The following DNAJC12 variants were observed in gnomAD, a reference collection of about 807,000 sequenced individuals.
DNAJC12 encodes DnaJ heat shock protein family (Hsp40) member C12, also known as dnaJ homolog subfamily C member 12.
Under a neutral mutation model 28.5 loss-of-function variants are expected in DNAJC12, and 25 were observed. The ratio of observed to expected loss-of-function variants is 0.88; its 90% confidence interval spans 0.64 to 1.22. DNAJC12 has a LOEUF of 1.22. Among genes scored for constraint, DNAJC12 ranks in the 50% most tolerant of loss-of-function variants. The pLI is 0.00. For missense variants in DNAJC12, 222 were observed against 231.7 expected, an observed-to-expected ratio of 0.96 and a Z score of 0.27; for synonymous variants, 77 against 80.6, an observed-to-expected ratio of 0.95 and a Z score of 0.24.
At chr10:67,819,722 G>A (rs1359925446) in intron 2 of DNAJC12, among the ~76,000 whole-genome samples, 54 of 17,088 alleles carry the variant, frequency 3.2e-3, no homozygotes, top group African/African-American at 0.012. Context: ...AAGGAAGCAA[G>A]GAAGGAAGGA....
chr10:67,802,417 C>T (rs1249526148), intron 4 of DNAJC12, among the ~76,000 whole-genome samples: 3 of 152,172 alleles, frequency 2.0e-5, no homozygotes, highest in African/African-American at 7.2e-5. Context: ...CTAGTTTTAC[C>T]TATTGCCATC....
chr10:67,823,311 T>C lies in DNAJC12; in HGVS notation c.157+3A>G. On this transcript the variant is annotated splice_donor_region_variant and intron_variant, in intron 2 of 4. Coordinates refer to ENST00000225171, the MANE Select transcript of DNAJC12 (RefSeq NM_021800.3). Reference sequence around the variant, plus strand: ...TGAGAAGTAGCCTTTATTAAGTTCTTACCAGCTTTGGGGTTTTCAGGATGC... The same window carrying C: ...TGAGAAGTAGCCTTTATTAAGTTCTCACCAGCTTTGGGGTTTTCAGGATGC... 6.2e-7 allele frequency: 1 copy of C among 1,613,788 alleles called. No homozygotes were observed. Among genetic ancestry groups the C allele is most frequent in the Non-Finnish European group, 8.5e-7 (1 of 1,179,670 alleles).
chr10:67,821,761 C>G (rs1002664146), intron 2 of DNAJC12, among the ~76,000 whole-genome samples: 1 of 152,106 alleles, frequency 6.6e-6, no homozygotes, highest in Non-Finnish European at 1.5e-5. Context: ...GGGGGCTTAC[C>G]TACAGCAATG....
At chr10:67,836,209 A>T (rs139139604) in intron 1 of DNAJC12, among the ~76,000 whole-genome samples, 2,878 of 151,600 alleles carry the variant, frequency 0.019, 100 homozygotes, top group African/African-American at 0.066. Flanking sequence ...GGGGTGGGGG[A>T]GAAGGGGAGG....
At chr10:67,816,923 C>A (rs1019441146) in intron 2 of DNAJC12, among the ~76,000 whole-genome samples, 2 of 152,098 alleles carry the variant, frequency 1.3e-5, no homozygotes, top group Non-Finnish European at 2.9e-5. Flanking sequence ...CCACACAGAG[C>A]GCTGGCATGA....
chr10:67,831,324 T>C (rs1251925820), intron 1 of DNAJC12, among the ~76,000 whole-genome samples: 1 of 152,230 alleles, frequency 6.6e-6, no homozygotes, highest in East Asian at 1.9e-4. Context: ...AGGTTAACAT[T>C]TTTATTTGTG....
chr10:67,807,584 A>T (rs1426118394), intron 3 of DNAJC12, among the ~76,000 whole-genome samples: 1 of 152,164 alleles, frequency 6.6e-6, no homozygotes, highest in East Asian at 1.9e-4. Flanking sequence ...GCTGCCAGTG[A>T]CTTCCTCTGC....
chr10:67,815,621 C>T (rs1467588540), intron 2 of DNAJC12, among the ~76,000 whole-genome samples: 1 of 151,590 alleles, frequency 6.6e-6, no homozygotes, highest in Non-Finnish European at 1.5e-5. Context: ...CCAGCGAGAG[C>T]AAATCTTCCT....
intron 1 of DNAJC12, 68 bp from the exon 2 acceptor site, chr10:67,823,460 A>C: frequency 1.1e-3 from 1,527 of 1,348,582 alleles, no homozygotes; most frequent in Non-Finnish European, 1.5e-3. Flanking sequence ...CTATAATCTC[A>C]ACACTTTGGG....
chr10:67,797,313 T>C (rs780102646), intron 4 of DNAJC12, 103 bp from the exon 5 acceptor site: 2 of 858,104 alleles, frequency 2.3e-6, no homozygotes, highest in Non-Finnish European at 3.7e-6. Flanking sequence ...GCAGGTACAA[T>C]GTAAGGGTAA....
At chr10:67,797,831 G>A (rs981166267) in intron 4 of DNAJC12, among the ~76,000 whole-genome samples, 8 of 152,078 alleles carry the variant, frequency 5.3e-5, no homozygotes, top group Middle Eastern at 3.4e-3. Context: ...ACGAGGTCAG[G>A]AGATCAAGAC....
chr10:67,824,152 C>T (rs1341468591), intron 1 of DNAJC12, among the ~76,000 whole-genome samples: 1 of 151,282 alleles, frequency 6.6e-6, no homozygotes, highest in Non-Finnish European at 1.5e-5. Flanking sequence ...AGGAGAATCG[C>T]TTGAACCTGG....
At chr10:67,801,503 T>C (rs1841743827) in intron 4 of DNAJC12, among the ~76,000 whole-genome samples, 1 of 152,132 alleles carries the variant, frequency 6.6e-6, no homozygotes, top group Non-Finnish European at 1.5e-5. Context: ...AGAACAATGA[T>C]TCCCAGTTGG....
chr10:67,834,096 T>C, intron 1 of DNAJC12: 1 of 457,018 alleles, frequency 2.2e-6, no homozygotes, highest in Non-Finnish European at 4.5e-6. Context: ...GAAGTAAATG[T>C]ATGATGAATT....
At chr10:67,833,505 C>T (rs1237527682) in intron 1 of DNAJC12, among the ~76,000 whole-genome samples, 1 of 151,984 alleles carries the variant, frequency 6.6e-6, no homozygotes, top group Non-Finnish European at 1.5e-5. Context: ...AATGTTAGTG[C>T]CTCCTTAAAT....
At chr10:67,797,932 C>T (rs1171564365) in intron 4 of DNAJC12, among the ~76,000 whole-genome samples, 3 of 151,218 alleles carry the variant, frequency 2.0e-5, no homozygotes, top group African/African-American at 7.3e-5. Context: ...CCCAGCTACT[C>T]GGGAGGCTGA....
intron 1 of DNAJC12, chr10:67,834,227 A>C (rs1353073559): frequency 3.1e-6 from 1 of 325,216 alleles, no homozygotes. Flanking sequence ...TGATGTTAAC[A>C]TAAAGGGAAG....
At chr10:67,825,049 G>A (rs1842016648) in intron 1 of DNAJC12, among the ~76,000 whole-genome samples, 2 of 152,044 alleles carry the variant, frequency 1.3e-5, no homozygotes, top group Admixed American at 1.3e-4. Flanking sequence ...GGCTTGGTTT[G>A]AAATCCCAGT....
At chr10:67,835,473 C>T (rs1842133226) in intron 1 of DNAJC12, among the ~76,000 whole-genome samples, 3 of 152,008 alleles carry the variant, frequency 2.0e-5, no homozygotes, top group Admixed American at 2.0e-4. Context: ...AGGCAGATCA[C>T]GAGGTCAAGA....
Sources: gnomAD v4.1 joint callset for allele counts (sites outside exome capture counted in the v4.1 genomes callset) on GRCh38, gnomAD v4.1.1 for gene constraint, MANE v1.5 for transcripts, NCBI Gene and HGNC (gene_info 2026-07-23, HGNC 2026-07-21) for gene names.